DAGLA: variants seen among roughly 807,000 people sequenced by gnomAD.
The protein encoded by DAGLA is diacylglycerol lipase-alpha.
DAGLA carries 22 observed loss-of-function variants against 102.6 expected under a neutral mutation model. The observed-to-expected ratio is 0.21, with a 90% CI of 0.15 to 0.31. The LOEUF is 0.31. DAGLA is among the 10% of genes least tolerant of loss of function. DAGLA has a pLI of 1.00. For missense variants in DAGLA, 927 were observed against 1,446.6 expected (o/e 0.64, Z 5.83); for synonymous variants, 578 against 628.9 (o/e 0.92, Z 1.21).
At chr11:61,696,454 G>A (rs1043234911) in intron 1 of DAGLA, among the ~76,000 whole-genome samples, 5 of 152,174 alleles carry the variant, frequency 3.3e-5, no homozygotes, top group East Asian at 1.9e-4. Flanking sequence ...GGGCCGGGGC[G>A]CTCCCTGAAA....
At chr11:61,737,794 T>A in intron 15 of DAGLA, 39 bp downstream of exon 15, 2 of 1,571,776 alleles carry the variant, frequency 1.3e-6, no homozygotes, top group Non-Finnish European at 1.8e-6. Context: ...CTTGCCAGGC[T>A]GTTCCTCCCT....
At chr11:61,733,862 C>A (rs1470403518) in intron 9 of DAGLA, among the ~76,000 whole-genome samples, 1 of 152,136 alleles carries the variant, frequency 6.6e-6, no homozygotes, top group Non-Finnish European at 1.5e-5. Flanking sequence ...TGCTGGGGGC[C>A]TGGGGAGCCC....
At chr11:61,692,820 A>G (rs2065035339) in intron 1 of DAGLA, among the ~76,000 whole-genome samples, 2 of 152,108 alleles carry the variant, frequency 1.3e-5, no homozygotes, top group African/African-American at 2.4e-5. Context: ...CTACTCCACA[A>G]TAATGAGGAA....
chr11:61,713,707 G>A (rs1275514054), intron 1 of DAGLA, among the ~76,000 whole-genome samples: 1 of 152,222 alleles, frequency 6.6e-6, no homozygotes, highest in East Asian at 1.9e-4. Flanking sequence ...TAGCTGGGGT[G>A]GAGCCTCTGA....
intron 1 of DAGLA, among the ~76,000 whole-genome samples, chr11:61,714,146 G>A (rs2065218439): frequency 6.6e-6 from 1 of 152,180 alleles, no homozygotes; most frequent in African/African-American, 2.4e-5. Flanking sequence ...TCTCACATGT[G>A]TGCAATGGAC....
intron 17 of DAGLA, 96 bp downstream of exon 17, chr11:61,739,757 TG>T (rs890196703): frequency 2.4e-5 from 31 of 1,303,474 alleles, no homozygotes; most frequent in Non-Finnish European, 2.9e-5. Context: ...CGCTCGGGGC[TG>T]GGGGTGGAGG....
At chr11:61,681,136 G>A (rs1010768768) in intron 1 of DAGLA, among the ~76,000 whole-genome samples, 1 of 152,178 alleles carries the variant, frequency 6.6e-6, no homozygotes, top group African/African-American at 2.4e-5. Flanking sequence ...TGAATGGGAA[G>A]GGTAAATGCC....
intron 1 of DAGLA, among the ~76,000 whole-genome samples, chr11:61,700,505 G>A (rs2065101087): frequency 6.6e-6 from 1 of 152,208 alleles, no homozygotes; most frequent in South Asian, 2.1e-4. Flanking sequence ...TGGCCTGCAA[G>A]CGTCCTTTTC....
At chr11:61,682,801 G>A (rs2064953599) in intron 1 of DAGLA, among the ~76,000 whole-genome samples, 1 of 148,742 alleles carries the variant, frequency 6.7e-6, no homozygotes, top group African/African-American at 2.5e-5. Context: ...GATCGATGTG[G>A]CTCAGGTCTG....
At chr11:61,701,743 G>T (rs1285532276) in intron 1 of DAGLA, among the ~76,000 whole-genome samples, 1 of 152,200 alleles carries the variant, frequency 6.6e-6, no homozygotes, top group Non-Finnish European at 1.5e-5. Context: ...GCCTGCTGAG[G>T]TCACACAGCG....
intron 1 of DAGLA, among the ~76,000 whole-genome samples, chr11:61,701,431 C>T (rs1396322333): frequency 2.0e-5 from 3 of 152,210 alleles, no homozygotes. Flanking sequence ...GAGGCTCGGG[C>T]ATGTCTCAGG....
At chr11:61,730,860 G>A (rs1030153535) in intron 8 of DAGLA, among the ~76,000 whole-genome samples, 3 of 152,188 alleles carry the variant, frequency 2.0e-5, no homozygotes, top group Non-Finnish European at 4.4e-5. Flanking sequence ...GCCTAGCGTG[G>A]CTGCCCTGTT....
At chr11:61,716,662 G>T (rs1299328114) in intron 1 of DAGLA, among the ~76,000 whole-genome samples, 1 of 152,206 alleles carries the variant, frequency 6.6e-6, no homozygotes, top group Non-Finnish European at 1.5e-5. Flanking sequence ...GCCTGAGGTT[G>T]CACCGCCTGT....
chr11:61,709,132 G>A (rs1053723015), intron 1 of DAGLA, among the ~76,000 whole-genome samples: 1 of 152,176 alleles, frequency 6.6e-6, no homozygotes, highest in African/African-American at 2.4e-5. Flanking sequence ...TCTCTCCTTG[G>A]CCATTCTGCA....
chr11:61,689,378 C>A (rs1393923767), intron 1 of DAGLA, among the ~76,000 whole-genome samples: 1 of 152,246 alleles, frequency 6.6e-6, no homozygotes, highest in Non-Finnish European at 1.5e-5. Flanking sequence ...CTGATTCATT[C>A]TCTCTCCCTC....
rs561739388 is a variant in DAGLA at position 61,690,979 on chromosome 11, G to A, written c.-45+10475G>A. Among the ~76,000 whole-genome samples the A allele has an allele frequency of 3.3e-5, 5 of 152,272 alleles. No homozygotes were observed. In the East Asian group the frequency reaches 5.8e-4, roughly 18 times the overall value. On this transcript the variant is annotated intron_variant, in intron 1 of 19. Coordinates refer to ENST00000257215, the MANE Select transcript of DAGLA (RefSeq NM_006133.3). ...GCCGTGGCAGGCGGCTTTCAGGCTC[G>A]CACAGCATGGCTCCTCTCACCCCAC...
At chr11:61,696,394 G>A (rs1041938873) in intron 1 of DAGLA, among the ~76,000 whole-genome samples, 5 of 152,162 alleles carry the variant, frequency 3.3e-5, no homozygotes, top group East Asian at 3.8e-4. Flanking sequence ...ACGCCCAGCC[G>A]TCCGTCCGTC....
Position 61,684,947 on chromosome 11 carries a change from G to T in DAGLA, c.-45+4443G>T, listed in dbSNP as rs550638476. ...GTTATGACTCTTTACATGAGGAGCC[G>T]AGTGCTTTCTCAGTATTCCTTAGAA... On this transcript the variant is annotated intron_variant, in intron 1 of 19. Coordinates refer to ENST00000257215, the MANE Select transcript of DAGLA (RefSeq NM_006133.3). The surrounding 1 kb of genome is among the most constrained non-coding windows in gnomAD (Gnocchi z 4.5). Among the ~76,000 whole-genome samples, 2 of 152,042 alleles carry T rather than the reference G, an allele frequency of 1.3e-5. No individual in the cohort carries two copies. The highest frequency in any genetic ancestry group is 2.9e-5 in the Non-Finnish European group (2 of 67,990).
chr11:61,709,748 A>G (rs547385928), intron 1 of DAGLA, among the ~76,000 whole-genome samples: 1 of 152,206 alleles, frequency 6.6e-6, no homozygotes, highest in South Asian at 2.1e-4. Context: ...GTCACATACT[A>G]GAGCTCTGCA....
Sources: gnomAD v4.1 joint callset for allele counts (sites outside exome capture counted in the v4.1 genomes callset) on GRCh38, gnomAD v4.1.1 for gene constraint, Gnocchi (gnomAD v3.1) non-coding constraint, MANE v1.5 for transcripts, NCBI Gene and HGNC (gene_info 2026-07-23, HGNC 2026-07-21) for gene names.